The following EYA4 variants were observed in gnomAD, a reference collection of about 807,000 sequenced individuals.
EYA4 encodes protein phosphatase EYA4.
A neutral mutation model predicts 87.9 loss-of-function variants in EYA4; 31 were observed. The ratio of observed to expected loss-of-function variants is 0.35; its 90% CI spans 0.27 to 0.48. The LOEUF is 0.48. Among genes scored for constraint, EYA4 ranks in the 20% least tolerant of loss-of-function variants. EYA4 has a pLI of 0.99. For synonymous variants in EYA4, 263 were observed against 270.6 expected, an observed-to-expected ratio of 0.97 and a Z score of 0.28; for missense variants, 678 against 761.4, an observed-to-expected ratio of 0.89 and a Z score of 1.29.
intron 11 of EYA4, 23 bp from the exon 12 acceptor site, chr6:133,481,440 G>A (rs770751677): frequency 1.2e-6 from 2 of 1,611,272 alleles, no homozygotes; most frequent in Non-Finnish European, 1.7e-6. Flanking sequence ...TGCTATTCTT[G>A]ACCTAAGTCA....
chr6:133,383,058 C>T (rs1786371800), intron 3 of EYA4, among the ~76,000 whole-genome samples: 1 of 152,228 alleles, frequency 6.6e-6, no homozygotes, highest in African/African-American at 2.4e-5. Flanking sequence ...AAAGTCCAGG[C>T]TGCAATTTTG....
At chr6:133,267,436 G>A (rs1157330840) in intron 1 of EYA4, among the ~76,000 whole-genome samples, 4 of 151,782 alleles carry the variant, frequency 2.6e-5, no homozygotes, top group Non-Finnish European at 5.9e-5. Context: ...AGGCTGGAGT[G>A]CAGTGGCATG....
chr6:133,454,050 G>A (rs1793696816), intron 5 of EYA4, among the ~76,000 whole-genome samples: 1 of 152,000 alleles, frequency 6.6e-6, no homozygotes, highest in Non-Finnish European at 1.5e-5. Flanking sequence ...TTGAAATTGG[G>A]TCTCAAAGTT....
intron 1 of EYA4, among the ~76,000 whole-genome samples, chr6:133,264,883 G>A (rs930156044): frequency 1.3e-5 from 2 of 152,086 alleles, no homozygotes; most frequent in Non-Finnish European, 2.9e-5. Context: ...CCTAGAAGAA[G>A]TGCAGTGTCG....
intron 2 of EYA4, among the ~76,000 whole-genome samples, chr6:133,377,759 G>A (rs892405212): frequency 6.6e-6 from 1 of 151,854 alleles, no homozygotes; most frequent in Admixed American, 6.6e-5. Context: ...TATTATAAAA[G>A]TAACTAGTAG....
intron 2 of EYA4, among the ~76,000 whole-genome samples, chr6:133,306,568 C>T (rs957161800): frequency 4.6e-5 from 7 of 152,064 alleles, no homozygotes; most frequent in Admixed American, 6.6e-5. Context: ...TTTAATGTGA[C>T]GATTTATTAA....
At chr6:133,246,893 A>G (rs1449500164) in intron 1 of EYA4, 3 of 152,176 alleles carry the variant, frequency 2.0e-5, no homozygotes. Flanking sequence ...GTCATGCAGC[A>G]CAGTGGAGCC....
At chr6:133,508,877 T>G (rs1011300060) in intron 14 of EYA4, among the ~76,000 whole-genome samples, 1 of 152,176 alleles carries the variant, frequency 6.6e-6, no homozygotes, top group South Asian at 2.1e-4. Flanking sequence ...GGTATTGACT[T>G]TCTCTTCTCT....
rs1403011205 is a variant in EYA4, at chr6:133,465,665, T to C, written c.804+807T>C. 3.3e-5 allele frequency among the ~76,000 whole-genome samples: 5 copies of C among 152,292 alleles called. No homozygotes were observed. In the South Asian group the frequency reaches 6.2e-4, roughly 19 times the overall value. ...GAAGTAGTTGAGATTGAAGAGTTAG[T>C]GGCTGACTTCTGGTCTGGCAATACA... On this transcript the variant is annotated intron_variant, in intron 10 of 19. Transcript: ENST00000355286.
In EYA4 at chr6:133,468,728, C is replaced by T; in HGVS notation, c.967C>T (p.Pro323Ser). Reference sequence around the variant, plus strand: ...ATCTCTCCCAGGACTGACTAACCAACCAGGTACAGATCTTCACCCAGGTGA... The same window carrying T: ...ATCTCTCCCAGGACTGACTAACCAATCAGGTACAGATCTTCACCCAGGTGA... Reference protein sequence around the residue: ...QESLPGLTNQPGEFDTMQSPS... With the variant: ...QESLPGLTNQSGEFDTMQSPS... The change falls in exon 11 of 20, where the codon CCA becomes TCA. Residue 323 changes from proline (P) to serine (S), a missense_variant. By Grantham distance (74) the Pro-to-Ser change is moderately conservative (BLOSUM62 -1). Coordinates refer to ENST00000355286, the MANE Select transcript of EYA4 (RefSeq NM_004100.5). The T allele has an allele frequency of 6.2e-7, 1 of 1,612,826 alleles. No individual in the cohort carries two copies.
Position 133,531,315 on chromosome 6 carries a change from C to A in EYA4, c.*2510C>A. The A allele has an allele frequency of 1.1e-6, 1 of 932,124 alleles. No homozygotes were observed. Among genetic ancestry groups the A allele is most frequent in the Non-Finnish European group, 1.7e-6 (1 of 599,810 alleles). The allele number at this position is 932,124 out of a possible 1,614,324, so 57.7% of individuals were successfully genotyped here. ...CCAGCATCACAGCTTGGCCATGGGA[C>A]GTTGAGTATGCACAAACTAGAACTC... On this transcript the variant is annotated 3_prime_UTR_variant, in exon 20 of 20. Coordinates refer to ENST00000355286, the MANE Select transcript of EYA4 (RefSeq NM_004100.5).
intron 2 of EYA4, among the ~76,000 whole-genome samples, chr6:133,337,089 G>A (rs1011562315): frequency 6.6e-6 from 1 of 152,144 alleles, no homozygotes; most frequent in Non-Finnish European, 1.5e-5. Flanking sequence ...TGCTGACATC[G>A]GCAGCGTAAA....
At chr6:133,396,549 G>A (rs1198026253) in intron 3 of EYA4, among the ~76,000 whole-genome samples, 2 of 152,162 alleles carry the variant, frequency 1.3e-5, no homozygotes, top group African/African-American at 4.8e-5. Flanking sequence ...AGTTTACTGT[G>A]GCTGAGACAC....
rs1321073692 is a variant in EYA4, at chr6:133,529,939, A to C, written c.*1134A>C. 117 of 985,234 alleles carry C rather than the reference A, an allele frequency of 1.2e-4. No individual in the cohort carries two copies. Among genetic ancestry groups the C allele is most frequent in the Non-Finnish European group, 1.4e-4 (114 of 829,914 alleles). 61.0% of individuals were successfully genotyped at this position (985,234 alleles called of 1,614,324 possible). ...GCAAATCATGAGCAATTATCACATA[A>C]ACTTTTTTAGAATGTGCCATGAACA... On this transcript the variant is annotated 3_prime_UTR_variant, in exon 20 of 20. Transcript: ENST00000355286.
chr6:133,358,188 T>C (rs1336328154), intron 2 of EYA4, among the ~76,000 whole-genome samples: 1 of 152,148 alleles, frequency 6.6e-6, no homozygotes. Context: ...CCCAAGTTTT[T>C]TTAGTGAGCC....
At position 133,404,178 on chromosome 6, in the gene EYA4, CT is replaced by C. The variant is rs1439301616; in HGVS notation, c.83+21738del. On this transcript the variant is annotated intron_variant, in intron 3 of 19. Transcript: ENST00000355286. The stretch of plus-strand genomic sequence containing the variant: ...AAGCCCTTTATTTGGACTGACTCCC[CT>C]GTTCACTTATTTTTCTCAGTTCAGT... Among the ~76,000 whole-genome samples, 3 of 152,276 alleles carry C rather than the reference CT, an allele frequency of 2.0e-5. No homozygotes were observed. In the East Asian group the frequency reaches 5.8e-4, roughly 29 times the overall value.
At chr6:133,365,979 G>T (rs1221978656) in intron 2 of EYA4, among the ~76,000 whole-genome samples, 1 of 152,152 alleles carries the variant, frequency 6.6e-6, no homozygotes, top group East Asian at 1.9e-4. Context: ...GATATAACTG[G>T]CCTTGTGATA....
intron 6 of EYA4, among the ~76,000 whole-genome samples, chr6:133,456,926 A>G (rs976067479): frequency 2.0e-5 from 3 of 152,172 alleles, no homozygotes; most frequent in Admixed American, 6.6e-5. Context: ...ATTATTTTAT[A>G]CGATGTTTAA....
chr6:133,352,918 G>A (rs1728682574), intron 2 of EYA4, among the ~76,000 whole-genome samples: 1 of 152,170 alleles, frequency 6.6e-6, no homozygotes, highest in Non-Finnish European at 1.5e-5. Flanking sequence ...AATATCATCA[G>A]TGACAATTGT....
Sources: gnomAD v4.1 joint callset for allele counts (sites outside exome capture counted in the v4.1 genomes callset) on GRCh38, gnomAD v4.1.1 for gene constraint, MANE v1.5 for transcripts, NCBI Gene and HGNC (gene_info 2026-07-23, HGNC 2026-07-21) for gene names.